MED27: variants seen among roughly 807,000 people sequenced by gnomAD.
The protein encoded by MED27 is mediator of RNA polymerase II transcription subunit 27.
In MED27, 30 loss-of-function variants were observed where a neutral mutation model predicts 38.2. The ratio of observed to expected loss-of-function variants is 0.79; its 90% confidence interval spans 0.59 to 1.07. The LOEUF is 1.07. Among genes scored for constraint, MED27 ranks in the 50% least tolerant of loss-of-function variants. The pLI, the probability that MED27 is intolerant of heterozygous loss-of-function variation, is 0.00. For missense variants in MED27, 289 were observed against 397.5 expected (o/e 0.73, Z 2.32); for synonymous variants, 122 against 153.5 (o/e 0.79, Z 1.52).
Position 131,894,427 on chromosome 9 carries a change from A to G in MED27, c.574-435T>C, listed in dbSNP as rs560937384. Among the ~76,000 whole-genome samples, 758 of 152,358 alleles carry G rather than the reference A, an allele frequency of 5.0e-3. 4 individuals carry two copies. The highest frequency in any genetic ancestry group is 8.2e-3 in the Non-Finnish European group (559 of 68,044). Reference sequence around the variant, plus strand: ...GCAATATGTACAGAGTACAATATACAGAGCAAAGGCAAGTACCAAATGCCT... The same window carrying G: ...GCAATATGTACAGAGTACAATATACGGAGCAAAGGCAAGTACCAAATGCCT... On this transcript the variant is annotated intron_variant, in intron 4 of 7. Transcript: ENST00000292035.
intron 3 of MED27, among the ~76,000 whole-genome samples, chr9:131,958,549 T>C (rs1831151373): frequency 6.6e-6 from 1 of 152,140 alleles, no homozygotes; most frequent in Non-Finnish European, 1.5e-5. Context: ...CCCGGCCAAA[T>C]TAAGTGGTTT....
At chr9:131,945,057 C>T (rs1830858717) in intron 3 of MED27, among the ~76,000 whole-genome samples, 1 of 146,362 alleles carries the variant, frequency 6.8e-6, no homozygotes, top group South Asian at 2.1e-4. Context: ...TTCAATAAAG[C>T]TACTTTTATT....
chr9:132,019,813 C>T (rs1020473244), intron 2 of MED27, among the ~76,000 whole-genome samples: 3 of 152,192 alleles, frequency 2.0e-5, no homozygotes, highest in Non-Finnish European at 4.4e-5. Flanking sequence ...ACACAGCGAT[C>T]CCCCCTGGAT....
intron 6 of MED27, among the ~76,000 whole-genome samples, chr9:131,874,278 C>T (rs1432889919): frequency 6.6e-6 from 1 of 152,196 alleles, no homozygotes; most frequent in African/African-American, 2.4e-5. Context: ...CCAGCCTTGC[C>T]TGTACTCTCA....
intron 2 of MED27, among the ~76,000 whole-genome samples, chr9:132,044,433 C>T (rs999560855): frequency 6.6e-6 from 1 of 152,230 alleles, no homozygotes; most frequent in African/African-American, 2.4e-5. Flanking sequence ...GCATCAGAAA[C>T]TCCCAGAGGG....
rs551503832 is a variant in MED27, at chr9:131,907,844, G to A, written c.574-13852C>T. On this transcript the variant is annotated intron_variant, in intron 4 of 7. Transcript: ENST00000292035. ...CTCTGCCCGGCCGCCCATCGTCTGA[G>A]ATGTGGGGAGCGCCTCTGCCCCGCC... 3.4e-4 allele frequency among the ~76,000 whole-genome samples: 51 copies of A among 150,334 alleles called. No homozygotes were observed. The East Asian group carries it at 8.1e-3, about 24-fold the overall frequency.
At chr9:132,077,723 A>G in intron 1 of MED27, 137 bp from the exon 2 acceptor site, 6 of 865,566 alleles carry the variant, frequency 6.9e-6, no homozygotes, top group Non-Finnish European at 9.9e-6. Context: ...TGAAAGGTTA[A>G]AAAATACTTG....
chr9:131,976,830 A>C (rs1831616991), intron 3 of MED27, among the ~76,000 whole-genome samples: 2 of 152,236 alleles, frequency 1.3e-5, no homozygotes, highest in Non-Finnish European at 2.9e-5. Flanking sequence ...TCTAATCTAC[A>C]ACACTATTAT....
intron 4 of MED27, among the ~76,000 whole-genome samples, chr9:131,921,786 C>T (rs1390613954): frequency 5.9e-5 from 9 of 152,006 alleles, no homozygotes; most frequent in Non-Finnish European, 8.8e-5. Context: ...AAATGTCCAA[C>T]GATAGACTGG....
intron 1 of MED27, among the ~76,000 whole-genome samples, chr9:132,078,151 T>G (rs1834095811): frequency 6.6e-6 from 1 of 152,130 alleles, no homozygotes; most frequent in Non-Finnish European, 1.5e-5. Context: ...CACTTCAGTC[T>G]AGCAGGAAAA....
chr9:131,907,915 G>A (rs1443162098), intron 4 of MED27, among the ~76,000 whole-genome samples: 7 of 149,336 alleles, frequency 4.7e-5, no homozygotes, highest in Admixed American at 2.7e-4. Context: ...CCGCGACCCC[G>A]TCTGGAAGGT....
At chr9:131,908,290 C>T (rs1243929220) in intron 4 of MED27, among the ~76,000 whole-genome samples, 5 of 146,002 alleles carry the variant, frequency 3.4e-5, no homozygotes, top group Non-Finnish European at 7.6e-5. Context: ...CCGCCCCGTC[C>T]GGGAGGTGAG....
At chr9:131,909,197 A>T (rs1830144005) in intron 4 of MED27, among the ~76,000 whole-genome samples, 1 of 152,158 alleles carries the variant, frequency 6.6e-6, no homozygotes. Flanking sequence ...AAGGGAAAAA[A>T]CCTGGAGGGG....
At position 131,878,093 on chromosome 9, in the gene MED27, G is replaced by A. The variant is rs563880901; in HGVS notation, c.723+5965C>T. Among the ~76,000 whole-genome samples the A allele has an allele frequency of 2.0e-5, 3 of 152,108 alleles. No homozygotes were observed. In the South Asian group the frequency reaches 6.3e-4, roughly 32 times the overall value. ...AGTTCAAGACCAGCCTGGCCAACACGGTGAAACCCCGTCTCTACAAAAATA... is the reference window on the plus strand; with the variant it reads ...AGTTCAAGACCAGCCTGGCCAACACAGTGAAACCCCGTCTCTACAAAAATA... On this transcript the variant is annotated intron_variant, in intron 6 of 7. Coordinates refer to ENST00000292035, the MANE Select transcript of MED27 (RefSeq NM_004269.4).
In MED27 at chr9:132,079,704, G is replaced by A; in HGVS notation, c.141C>T (p.Gly47=). Residue 47 remains glycine (G), a synonymous_variant, in exon 1 of 8, where the codon GGC becomes GGT. Transcript: ENST00000292035. ...DGMRNKETLE[G]REKAFIAHFQ... The stretch of plus-strand genomic sequence containing the variant: ...AGTGCGCAATAAAGGCCTTCTCCCG[G>A]CCCTCCAGCGTCTCCTTGTTCCGCA... 6.2e-7 allele frequency: 1 copy of A among 1,613,510 alleles called. No individual in the cohort carries two copies. Among genetic ancestry groups the A allele is most frequent in the Non-Finnish European group, 8.5e-7 (1 of 1,179,894 alleles).
At chr9:131,905,925 T>TGAG (rs1830054099) in intron 4 of MED27, among the ~76,000 whole-genome samples, 1 of 151,208 alleles carries the variant, frequency 6.6e-6, no homozygotes, top group African/African-American at 2.4e-5. Context: ...GCACCCAGAG[T>TGAG]GAGAAATGAA....
rs1297582048 is a variant in MED27, at chr9:132,051,029, T to G, written c.348+26413A>C. Among the ~76,000 whole-genome samples, 2 of 152,162 alleles carry G rather than the reference T, an allele frequency of 1.3e-5. No homozygotes were observed. The highest frequency in any genetic ancestry group is 4.8e-5 in the African/African-American group (2 of 41,420). On this transcript the variant is annotated intron_variant, in intron 2 of 7. Coordinates refer to ENST00000292035, the MANE Select transcript of MED27 (RefSeq NM_004269.4). This position sits in a 1 kb window ranked among gnomAD's most constrained non-coding sequence, Gnocchi z 4.2. ...GGAAACCCTAGGCTCAACACATGCA[T>G]CTATACAACTGCACATTCACCCACA...
chr9:132,059,794 G>C (rs529505296), intron 2 of MED27, among the ~76,000 whole-genome samples: 9 of 152,280 alleles, frequency 5.9e-5, no homozygotes, highest in African/African-American at 2.2e-4. Flanking sequence ...TTCCTCGCTT[G>C]GTATTACCAG....
At chr9:131,968,099 C>T (rs551004820) in intron 3 of MED27, among the ~76,000 whole-genome samples, 7 of 152,100 alleles carry the variant, frequency 4.6e-5, no homozygotes, top group Admixed American at 6.5e-5. Flanking sequence ...TGATTACAGG[C>T]GTGAGCCACC....
Sources: allele counts gnomAD v4.1 joint callset (sites outside exome capture counted in the v4.1 genomes callset), GRCh38; gene constraint gnomAD v4.1.1; non-coding constraint Gnocchi (gnomAD v3.1); transcripts MANE v1.5; gene names NCBI Gene and HGNC (gene_info 2026-07-23, HGNC 2026-07-21).